Variants in LMNTD1 observed in about 807,000 individuals in gnomAD.
LMNTD1 encodes lamin tail domain-containing protein 1.
A neutral mutation model predicts 50.9 loss-of-function variants in LMNTD1; 35 were observed. The ratio of observed to expected loss-of-function variants is 0.69; its 90% CI spans 0.53 to 0.91. The LOEUF (loss-of-function observed/expected upper bound fraction) is 0.91. Among genes scored for constraint, LMNTD1 ranks in the 40% least tolerant of loss-of-function variants. The pLI, the probability that LMNTD1 is intolerant of heterozygous loss-of-function variation, is 0.00. For synonymous variants in LMNTD1, 153 were observed against 161.9 expected, an observed-to-expected ratio of 0.94 and a Z score of 0.42; for missense variants, 470 against 475.5, an observed-to-expected ratio of 0.99 and a Z score of 0.11.
At chr12:25,575,670 A>C (rs1011150532) in intron 1 of LMNTD1, among the ~76,000 whole-genome samples, 23 of 138,084 alleles carry the variant, frequency 1.7e-4, no homozygotes, top group African/African-American at 5.6e-4. Flanking sequence ...AAGGGAGGCA[A>C]GAACCCTAGC....
At chr12:25,548,981 G>A (rs193181270) in intron 3 of LMNTD1, among the ~76,000 whole-genome samples, 7 of 151,830 alleles carry the variant, frequency 4.6e-5, no homozygotes, top group Non-Finnish European at 1.0e-4. Context: ...AATCCTTCTG[G>A]TAGTGTTCAG....
intron 1 of LMNTD1, among the ~76,000 whole-genome samples, chr12:25,614,603 G>C (rs1393423833): frequency 6.6e-6 from 1 of 152,164 alleles, no homozygotes; most frequent in African/African-American, 2.4e-5. Flanking sequence ...AAAGAGAACA[G>C]TATTTCTCTT....
chr12:25,552,398 C>A (rs1736783087), intron 2 of LMNTD1, among the ~76,000 whole-genome samples: 1 of 151,616 alleles, frequency 6.6e-6, no homozygotes, highest in Non-Finnish European at 1.5e-5. Flanking sequence ...GCGGGCAGAT[C>A]ACGAGGTCAG....
intron 3 of LMNTD1, 61 bp from the exon 4 acceptor site, chr12:25,546,615 G>T: frequency 9.5e-7 from 1 of 1,051,666 alleles, no homozygotes; most frequent in Non-Finnish European, 1.3e-6. Context: ...GACATTAAAA[G>T]GACCTAAAGC....
intron 1 of LMNTD1, among the ~76,000 whole-genome samples, chr12:25,627,554 G>A (rs1198583466): frequency 6.6e-6 from 1 of 152,154 alleles, no homozygotes; most frequent in Non-Finnish European, 1.5e-5. Flanking sequence ...ACTCGAATCA[G>A]TGAAAATATT....
rs71065950 is a variant in LMNTD1 at position 25,520,145 on chromosome 12, C to CATATATATATATATAT, written c.799-86_799-71dup. ...TTACAACATGCTGTTATGAGATATA[C>CATATATATATATATAT]ATATATATATATATATATATATATA... is the stretch of plus-strand genomic sequence containing the variant. On this transcript the variant is annotated intron_variant, in intron 6 of 9. Transcript: ENST00000458174. The CATATATATATATATAT allele has an allele frequency of 1.2e-3, 272 of 234,120 alleles. 5 individuals carry two copies. The highest frequency in any genetic ancestry group is 1.6e-3 in the East Asian group (16 of 10,242). The allele number at this position is 234,120 out of a possible 1,614,324, so 14.5% of individuals were successfully genotyped here.
At chr12:25,607,710 G>T (rs1946146004) in intron 1 of LMNTD1, among the ~76,000 whole-genome samples, 1 of 152,142 alleles carries the variant, frequency 6.6e-6, no homozygotes, top group South Asian at 2.1e-4. Context: ...AGTTTATTGT[G>T]ATTTCTGTTC....
At chr12:25,596,236 C>T (rs1945843113) in intron 1 of LMNTD1, among the ~76,000 whole-genome samples, 2 of 152,052 alleles carry the variant, frequency 1.3e-5, no homozygotes, top group African/African-American at 4.8e-5. Context: ...GAAGCAGTAT[C>T]ACCCTAATAA....
upstream of LMNTD1, among the ~76,000 whole-genome samples, chr12:25,557,992 A>AT (rs1944111429): frequency 6.6e-6 from 1 of 152,240 alleles, no homozygotes; most frequent in South Asian, 2.1e-4. Context: ...ATTATTCAAC[A>AT]TAACAGCCAA....
At chr12:25,521,365 G>A (rs1380243564) in intron 6 of LMNTD1, among the ~76,000 whole-genome samples, 1 of 152,070 alleles carries the variant, frequency 6.6e-6, no homozygotes, top group Non-Finnish European at 1.5e-5. Context: ...TTACGTTTAG[G>A]TCTTTTAGCC....
chr12:25,629,936 A>G (rs1946678198), intron 1 of LMNTD1, among the ~76,000 whole-genome samples: 1 of 152,184 alleles, frequency 6.6e-6, no homozygotes, highest in Non-Finnish European at 1.5e-5. Context: ...GTGACCCAGG[A>G]CATAGTCATA....
intron 8 of LMNTD1, among the ~76,000 whole-genome samples, chr12:25,507,634 C>T (rs1270954884): frequency 1.3e-5 from 2 of 152,196 alleles, no homozygotes; most frequent in Non-Finnish European, 1.5e-5. Flanking sequence ...CACAGGGGAG[C>T]ACACACTCCC....
intron 1 of LMNTD1, among the ~76,000 whole-genome samples, chr12:25,632,366 G>A (rs1239496773): frequency 6.6e-6 from 1 of 152,160 alleles, no homozygotes; most frequent in Admixed American, 6.5e-5. Context: ...GAGTTAAGAC[G>A]AAGGAATCAA....
At chr12:25,574,662 C>T (rs1944929756) in intron 1 of LMNTD1, among the ~76,000 whole-genome samples, 1 of 152,156 alleles carries the variant, frequency 6.6e-6, no homozygotes, top group African/African-American at 2.4e-5. Flanking sequence ...TTCCGTCCCC[C>T]AGTGTCATCA....
intron 1 of LMNTD1, among the ~76,000 whole-genome samples, chr12:25,606,698 G>A (rs1203716981): frequency 2.6e-5 from 4 of 152,158 alleles, no homozygotes; most frequent in Admixed American, 2.6e-4. Flanking sequence ...GATCATGGTG[G>A]ATAAGCTTTT....
intron 9 of LMNTD1, among the ~76,000 whole-genome samples, chr12:25,491,912 A>C (rs1442032602): frequency 1.3e-5 from 2 of 152,220 alleles, no homozygotes; most frequent in African/African-American, 2.4e-5. Flanking sequence ...GTCCTTGGGA[A>C]CATTTAGGGA....
At chr12:25,533,351 T>C (rs935699370) in intron 4 of LMNTD1, among the ~76,000 whole-genome samples, 2 of 152,198 alleles carry the variant, frequency 1.3e-5, no homozygotes, top group African/African-American at 4.8e-5. Flanking sequence ...TCACCATCAG[T>C]AGCCTTTGCA....
chr12:25,520,107 G>A, intron 6 of LMNTD1, 32 bp from the exon 7 acceptor site: 1 of 1,288,874 alleles, frequency 7.8e-7, no homozygotes. Context: ...TGTTGGCTAT[G>A]TATATTTGAG....
Position 25,501,926 on chromosome 12 carries a change from G to A in LMNTD1, c.*22+1812C>T, listed in dbSNP as rs144005756. 1.2e-4 allele frequency among the ~76,000 whole-genome samples: 18 copies of A among 152,252 alleles called. No homozygotes were observed. The East Asian group carries it at 3.5e-3, about 29-fold the overall frequency. On this transcript the variant is annotated intron_variant, in intron 9 of 9. Transcript: ENST00000458174. ...AGGCTTCAGAAGGGCACAGTGAAGG[G>A]CACATTGATGATCAACTCTGAAGAT...
Sources: allele counts gnomAD v4.1 joint callset (sites outside exome capture counted in the v4.1 genomes callset), GRCh38; gene constraint gnomAD v4.1.1; transcripts MANE v1.5; gene names NCBI Gene and HGNC (gene_info 2026-07-23, HGNC 2026-07-21).